The following KIAA2012 variants were observed in gnomAD, a reference collection of about 807,000 sequenced individuals.
KIAA2012 encodes uncharacterized protein KIAA2012.
Under a neutral mutation model 150.6 loss-of-function variants are expected in KIAA2012, and 125 were observed. The ratio of observed to expected loss-of-function variants is 0.83; its 90% confidence interval spans 0.72 to 0.96. KIAA2012 has a LOEUF of 0.96. Among genes scored for constraint, KIAA2012 ranks in the 40% least tolerant of loss-of-function variants. The probability of loss-of-function intolerance (pLI) is 0.00; values close to 1 mark genes in which losing one functional copy is unlikely to be tolerated. For missense variants in KIAA2012, 1,219 were observed against 1,354.9 expected, an observed-to-expected ratio of 0.90 and a Z score of 1.57; for synonymous variants, 462 against 504.7, an observed-to-expected ratio of 0.92 and a Z score of 1.13.
At chr2:202,162,500 C>T (rs976916075) in intron 14 of KIAA2012, among the ~76,000 whole-genome samples, 1 of 151,640 alleles carries the variant, frequency 6.6e-6, no homozygotes, top group South Asian at 2.1e-4. Flanking sequence ...GTCTCGAACT[C>T]CTGACCTCAG....
intron 14 of KIAA2012, among the ~76,000 whole-genome samples, chr2:202,162,149 T>G (rs1313060546): frequency 1.3e-5 from 2 of 152,202 alleles, no homozygotes; most frequent in Non-Finnish European, 2.9e-5. Context: ...GTTGCTAGTT[T>G]CCTGTGTCCC....
rs369625746 is a variant in KIAA2012, at chr2:202,084,297, C to T, written c.370-6473C>T. Among the ~76,000 whole-genome samples, 14 of 152,298 alleles carry T rather than the reference C, an allele frequency of 9.2e-5. 1 individual carries two copies. The South Asian group carries it at 2.9e-3, about 32-fold the overall frequency. On this transcript the variant is annotated intron_variant, in intron 2 of 23. Transcript: ENST00000498697. ...CTGCTGGGCAGGAGCACAAGCCCTACCGTCTCCTTCTATCCTCTGAAAACC... is the reference window on the plus strand; with the variant it reads ...CTGCTGGGCAGGAGCACAAGCCCTATCGTCTCCTTCTATCCTCTGAAAACC...
chr2:202,197,390 T>C, intron 22 of KIAA2012: 1 of 273,406 alleles, frequency 3.7e-6, no homozygotes, highest in South Asian at 5.5e-5. Flanking sequence ...TCTTGATATC[T>C]ACTGAGTGCC....
At chr2:202,197,857 C>G (rs1692441031) in intron 22 of KIAA2012, 1 of 88,968 alleles carries the variant, frequency 1.1e-5, no homozygotes. Context: ...GAGCAAGACT[C>G]TCTTTAAAAA....
At chr2:202,197,070 C>A in intron 22 of KIAA2012, 51 bp downstream of exon 22, 1 of 1,549,382 alleles carries the variant, frequency 6.5e-7, no homozygotes, top group Non-Finnish European at 8.7e-7. Flanking sequence ...TCAAGGGCTT[C>A]ACTGTCCAGT....
chr2:202,201,433 A>T, intron 22 of KIAA2012: 1 of 1,594,216 alleles, frequency 6.3e-7, no homozygotes, highest in Non-Finnish European at 8.6e-7. Context: ...TTCCCCTTCC[A>T]CTGAGTTACG....
At chr2:202,080,682 G>A (rs1004193891) in intron 2 of KIAA2012, among the ~76,000 whole-genome samples, 2 of 123,874 alleles carry the variant, frequency 1.6e-5, no homozygotes, top group Non-Finnish European at 3.2e-5. Context: ...GGCAACAAGA[G>A]CGAAACTCCG....
At chr2:202,086,097 G>A (rs1689561074) in intron 2 of KIAA2012, among the ~76,000 whole-genome samples, 1 of 145,996 alleles carries the variant, frequency 6.8e-6, no homozygotes, top group South Asian at 2.1e-4. Flanking sequence ...GAAACCAGAA[G>A]GCAGAGGTTG....
At position 202,100,462 on chromosome 2, in the gene KIAA2012, T is replaced by C. The variant is rs1690015013; in HGVS notation, c.1155+13T>C. 3 of 1,544,872 alleles carry C rather than the reference T, an allele frequency of 1.9e-6. No homozygotes were observed. Among genetic ancestry groups the C allele is most frequent in the Admixed American group, 2.0e-5 (1 of 50,690 alleles). On this transcript the variant is annotated intron_variant, in intron 7 of 23. Coordinates refer to ENST00000498697, the MANE Select transcript of KIAA2012 (RefSeq NM_001277372.4). ...GAAGAAGAAAAAGGTTGTGTGTATA[T>C]GTATGTTTGTGCATACAGGAGAGAG...
intron 3 of KIAA2012, 96 bp from the exon 4 acceptor site, chr2:202,092,934 C>A: frequency 1.9e-6 from 2 of 1,079,936 alleles, no homozygotes; most frequent in Non-Finnish European, 2.6e-6. Context: ...ATGTCCAAAG[C>A]CAAGACTAGT....
rs1283130663 is a variant in KIAA2012 at position 202,103,005 on chromosome 2, C to T, written c.1215C>T (p.Pro405=). Reference sequence around the variant, plus strand: ...AAGAACCACCCAGAGTCTTGGAGCCCCTGAAGAGCCAATTTAAAGCCAATG... The same window carrying T: ...AAGAACCACCCAGAGTCTTGGAGCCTCTGAAGAGCCAATTTAAAGCCAATG... ...ISEEPPRVLE[P]LKSQFKANEP... is the part of the protein sequence containing the mutation. Residue 405 remains proline (P), a synonymous_variant, in exon 8 of 24, where the codon CCC becomes CCT. Transcript: ENST00000498697. 3 of 1,550,418 alleles carry T rather than the reference C, an allele frequency of 1.9e-6. No individual in the cohort carries two copies. Among genetic ancestry groups the T allele is most frequent in the South Asian group, 2.4e-5 (2 of 84,054 alleles).
At chr2:202,182,941 G>A (rs1574311026) in intron 15 of KIAA2012, among the ~76,000 whole-genome samples, 1 of 152,022 alleles carries the variant, frequency 6.6e-6, no homozygotes, top group Non-Finnish European at 1.5e-5. Context: ...GCAATAAAAT[G>A]TATCTTCCAT....
At chr2:202,162,580 TC>T (rs1354007334) in intron 14 of KIAA2012, among the ~76,000 whole-genome samples, 6 of 141,996 alleles carry the variant, frequency 4.2e-5, no homozygotes, top group Admixed American at 7.0e-5. Flanking sequence ...TGGCCCAGAG[TC>T]TTTTTTTTTT....
At chr2:202,116,646 A>T (rs1293482479) in intron 11 of KIAA2012, 1 of 151,650 alleles carries the variant, frequency 6.6e-6, no homozygotes, top group East Asian at 1.9e-4. Context: ...TTTAATTAGC[A>T]TCCTTCCCCC....
At chr2:202,083,811 G>A (rs969796582) in intron 2 of KIAA2012, among the ~76,000 whole-genome samples, 1 of 152,196 alleles carries the variant, frequency 6.6e-6, no homozygotes, top group Non-Finnish European at 1.5e-5. Flanking sequence ...TCTGGTGAAA[G>A]AGGCGGATTT....
chr2:202,111,508 TCAAAAAAAA>T (rs1690353170), intron 10 of KIAA2012, among the ~76,000 whole-genome samples: 1 of 34,064 alleles, frequency 2.9e-5, no homozygotes, highest in African/African-American at 1.0e-4. Context: ...AGACTCTGTC[TCAAAAAAAA>T]AAAAAAAAAA....
At position 202,113,418 on chromosome 2, in the gene KIAA2012, C is replaced by G; in HGVS notation, c.1734C>G (p.Thr578=). ...EKVCLSLPGH[T]QTEALPSGKA... Reference sequence around the variant, plus strand: ...TCTGCCTGTCCCTCCCAGGGCATACCCAAACCGAGGCGCTTCCATCGGGTA... The same window carrying G: ...TCTGCCTGTCCCTCCCAGGGCATACGCAAACCGAGGCGCTTCCATCGGGTA... Residue 578 remains threonine, a synonymous_variant, in exon 11 of 24, where the codon ACC becomes ACG. Transcript: ENST00000498697. 1 of 1,550,414 alleles carries G rather than the reference C, an allele frequency of 6.4e-7. No homozygotes were observed. Among genetic ancestry groups the G allele is most frequent in the Non-Finnish European group, 8.7e-7 (1 of 1,146,920 alleles).
At chr2:202,167,078 G>A (rs1691783542) in intron 15 of KIAA2012, among the ~76,000 whole-genome samples, 1 of 151,872 alleles carries the variant, frequency 6.6e-6, no homozygotes, top group Non-Finnish European at 1.5e-5. Flanking sequence ...GGAGGCTGAG[G>A]CAGGAGAATG....
intron 12 of KIAA2012, among the ~76,000 whole-genome samples, chr2:202,126,141 G>A (rs1690782069): frequency 6.6e-6 from 1 of 151,752 alleles, no homozygotes; most frequent in African/African-American, 2.4e-5. Flanking sequence ...TTTTAGTAGA[G>A]ACGGGGCTTC....
Sources: allele counts gnomAD v4.1 joint callset (sites outside exome capture counted in the v4.1 genomes callset), GRCh38; gene constraint gnomAD v4.1.1; transcripts MANE v1.5; gene names NCBI Gene and HGNC (gene_info 2026-07-23, HGNC 2026-07-21).